The following BCKDHB variants were observed in gnomAD, a reference collection of about 807,000 sequenced individuals.
BCKDHB encodes the protein 2-oxoisovalerate dehydrogenase subunit beta, mitochondrial.
A neutral mutation model predicts 48.5 loss-of-function variants in BCKDHB; 41 were observed. That is an observed-to-expected ratio of 0.85 (90% CI 0.66 to 1.10). The LOEUF is 1.10. Among genes scored for constraint, BCKDHB ranks in the 50% least tolerant of loss-of-function variants. BCKDHB has a pLI of 0.00. For missense variants in BCKDHB, 496 were observed against 494.2 expected (o/e 1.00, Z -0.03); for synonymous variants, 201 against 174.8 (o/e 1.15, Z -1.18).
At chr6:80,312,706 A>T (rs1283373770) in intron 9 of BCKDHB, among the ~76,000 whole-genome samples, 1 of 151,164 alleles carries the variant, frequency 6.6e-6, no homozygotes, top group Admixed American at 6.6e-5. Flanking sequence ...TTTTGTTGTT[A>T]GTTCTGTTTT....
At chr6:80,309,055 G>GT (rs1489739207) in intron 9 of BCKDHB, among the ~76,000 whole-genome samples, 9 of 150,606 alleles carry the variant, frequency 6.0e-5, no homozygotes, top group African/African-American at 1.7e-4. Context: ...TAAAAGTATA[G>GT]TTTTTTTGTT....
the BCKDHB span, among the ~76,000 whole-genome samples, chr6:80,436,092 A>G: frequency 7.0e-6 from 1 of 141,944 alleles, no homozygotes; most frequent in Non-Finnish European, 1.6e-5. Context: ...ATCCTATTTT[A>G]TATGCCCAAA....
intron 9 of BCKDHB, among the ~76,000 whole-genome samples, chr6:80,279,223 G>A (rs760472372): frequency 2.0e-5 from 3 of 151,770 alleles, no homozygotes; most frequent in East Asian, 3.9e-4. Flanking sequence ...GTGCGATCTC[G>A]GCTCACTGCA....
intron 5 of BCKDHB, 123 bp from the exon 6 acceptor site, chr6:80,171,159 T>C: frequency 1.6e-6 from 1 of 631,088 alleles, no homozygotes; most frequent in Non-Finnish European, 2.8e-6. Flanking sequence ...AGGCTTAAAA[T>C]AAATAGCCAA....
At chr6:80,218,726 T>C (rs1775283867) in intron 8 of BCKDHB, among the ~76,000 whole-genome samples, 1 of 152,230 alleles carries the variant, frequency 6.6e-6, no homozygotes, top group Admixed American at 6.5e-5. Flanking sequence ...TAATGCCCTC[T>C]ACTCCTATAT....
chr6:80,258,461 T>G (rs909414397), intron 8 of BCKDHB, among the ~76,000 whole-genome samples: 4 of 152,246 alleles, frequency 2.6e-5, no homozygotes, highest in Non-Finnish European at 4.4e-5. Context: ...CTTATAAACA[T>G]CTTTTCATCA....
intron 9 of BCKDHB, among the ~76,000 whole-genome samples, chr6:80,289,241 A>C (rs912916664): frequency 6.6e-6 from 1 of 152,172 alleles, no homozygotes. Flanking sequence ...CTAAAATGCG[A>C]GCTAAAAATA....
chr6:80,177,221 G>C (rs1773198844), intron 6 of BCKDHB, among the ~76,000 whole-genome samples: 1 of 64,554 alleles, frequency 1.5e-5, no homozygotes, highest in South Asian at 8.6e-4. Context: ...GTGAGACCTT[G>C]TCTCAAAAAA....
At chr6:80,337,730 A>C (rs6906392) in intron 9 of BCKDHB, among the ~76,000 whole-genome samples, 11,467 of 152,166 alleles carry the variant, frequency 0.075, 616 homozygotes, top group South Asian at 0.24. Context: ...GCTGTTTGCA[A>C]AGTAATTTAA....
At chr6:80,302,990 T>TA (rs1429210202) in intron 9 of BCKDHB, among the ~76,000 whole-genome samples, 2 of 151,958 alleles carry the variant, frequency 1.3e-5, no homozygotes, top group South Asian at 4.1e-4. Flanking sequence ...TAATGATGCT[T>TA]AAAAAAAGAG....
At chr6:80,206,414 A>G (rs550012949) in intron 8 of BCKDHB, among the ~76,000 whole-genome samples, 12 of 152,232 alleles carry the variant, frequency 7.9e-5, no homozygotes, top group Non-Finnish European at 1.6e-4. Context: ...GAAACAATAA[A>G]AAGCAGAAGC....
chr6:80,224,601 G>A (rs906006371), intron 8 of BCKDHB, among the ~76,000 whole-genome samples: 2 of 152,062 alleles, frequency 1.3e-5, no homozygotes, highest in Non-Finnish European at 1.5e-5. Context: ...TCGCCATGTT[G>A]CCTAGGCTGG....
intron 6 of BCKDHB, among the ~76,000 whole-genome samples, chr6:80,196,310 C>G (rs1475079718): frequency 2.6e-5 from 4 of 152,068 alleles, no homozygotes; most frequent in Non-Finnish European, 5.9e-5. Context: ...TATACCTTTT[C>G]TTTCTTTATG....
intron 8 of BCKDHB, among the ~76,000 whole-genome samples, chr6:80,212,867 T>G (rs1235282632): frequency 6.6e-6 from 1 of 152,230 alleles, no homozygotes; most frequent in Admixed American, 6.5e-5. Context: ...CTATCAAGAC[T>G]TCCTTTCACC....
the BCKDHB span, among the ~76,000 whole-genome samples, chr6:80,395,600 C>T: frequency 1.3e-5 from 2 of 152,140 alleles, no homozygotes; most frequent in Non-Finnish European, 2.9e-5. Flanking sequence ...AATTTGTAGC[C>T]TGAAGATTTG....
At chr6:80,160,259 C>T (rs915609326) in intron 3 of BCKDHB, among the ~76,000 whole-genome samples, 28 of 152,084 alleles carry the variant, frequency 1.8e-4, no homozygotes, top group Middle Eastern at 3.4e-3. Flanking sequence ...TGGGTTCAAG[C>T]GATTCTCCTG....
chr6:80,184,680 TC>T (rs759888143), intron 6 of BCKDHB, among the ~76,000 whole-genome samples: 14 of 152,170 alleles, frequency 9.2e-5, no homozygotes, highest in African/African-American at 1.4e-4. Flanking sequence ...ACTTTATCTC[TC>T]CTCTATTTAT....
the BCKDHB span, among the ~76,000 whole-genome samples, chr6:80,386,634 A>C: frequency 6.6e-6 from 1 of 152,224 alleles, no homozygotes; most frequent in Non-Finnish European, 1.5e-5. Context: ...TCAACCATCA[A>C]AGGCAATGTG....
chr6:80,415,315 G>A, the BCKDHB span, among the ~76,000 whole-genome samples: 1 of 152,098 alleles, frequency 6.6e-6, no homozygotes, highest in Non-Finnish European at 1.5e-5. Flanking sequence ...TAGGAGTAGT[G>A]AGAGGGCGTC....
Sources: allele counts gnomAD v4.1 joint callset (sites outside exome capture counted in the v4.1 genomes callset), GRCh38; gene constraint gnomAD v4.1.1; transcripts MANE v1.5; gene names NCBI Gene and HGNC (gene_info 2026-07-23, HGNC 2026-07-21).